The following ARL15 variants were observed in gnomAD, a reference collection of about 807,000 sequenced individuals.
ARL15 encodes the protein ARF like GTPase 15.
A neutral mutation model predicts 25.2 loss-of-function variants in ARL15; 19 were observed. The ratio of observed to expected loss-of-function variants is 0.75; its 90% confidence interval spans 0.53 to 1.10. The LOEUF (loss-of-function observed/expected upper bound fraction) is 1.10. Ranked by LOEUF, ARL15 falls within the 50% of genes least tolerant of loss-of-function variation. The pLI is 0.00. For synonymous variants in ARL15, 94 were observed against 86.8 expected (o/e 1.08, Z -0.46); for missense variants, 220 against 246.0 (o/e 0.89, Z 0.71).
At chr5:53,932,595 G>A (rs1746225933) in intron 4 of ARL15, among the ~76,000 whole-genome samples, 1 of 152,168 alleles carries the variant, frequency 6.6e-6, no homozygotes, top group Admixed American at 6.5e-5. Context: ...AAACATTCTG[G>A]AAGACTCCGT....
chr5:54,049,955 C>A (rs79965574), intron 4 of ARL15, among the ~76,000 whole-genome samples: 1 of 152,074 alleles, frequency 6.6e-6, no homozygotes, highest in Non-Finnish European at 1.5e-5. Context: ...GTTTAAGCCA[C>A]CATTTGTTGG....
intron 1 of ARL15, among the ~76,000 whole-genome samples, chr5:54,191,651 T>C (rs918671431): frequency 3.9e-5 from 6 of 152,094 alleles, no homozygotes; most frequent in Admixed American, 3.3e-4. Flanking sequence ...AAACCACACA[T>C]CCAATCAATC....
At chr5:54,047,465 T>C (rs2111972426) in intron 4 of ARL15, among the ~76,000 whole-genome samples, 1 of 152,268 alleles carries the variant, frequency 6.6e-6, no homozygotes, top group African/African-American at 2.4e-5. Context: ...AAAGTAATTA[T>C]CTTAGCCACA....
rs574629313 is a variant in ARL15 at position 54,052,752 on chromosome 5, CAT to C, written c.462+60448_462+60449del. Among the ~76,000 whole-genome samples, 125 of 152,224 alleles carry C rather than the reference CAT, an allele frequency of 8.2e-4. 1 individual carries two copies. The highest frequency in any genetic ancestry group is 1.4e-3 in the Non-Finnish European group (96 of 68,008). On this transcript the variant is annotated intron_variant, in intron 4 of 4. Coordinates refer to ENST00000504924, the MANE Select transcript of ARL15 (RefSeq NM_019087.3). The stretch of plus-strand genomic sequence containing the variant: ...ACATGGGCCAGCACACACACACACA[CAT>C]GCACACGTGCACACACAGAGTTCGC...
intron 4 of ARL15, among the ~76,000 whole-genome samples, chr5:53,946,455 G>GAAAAAAAAAA (rs55727717): frequency 1.8e-4 from 8 of 43,938 alleles, no homozygotes; most frequent in South Asian, 1.5e-3. Context: ...GTCTCAAGAG[G>GAAAAAAAAAA]AAAAAAAAAA....
intron 3 of ARL15, among the ~76,000 whole-genome samples, chr5:54,136,705 C>A (rs934746684): frequency 6.6e-6 from 1 of 152,186 alleles, no homozygotes; most frequent in Non-Finnish European, 1.5e-5. Flanking sequence ...ACAAAACTCA[C>A]AGCCTGCTCT....
At chr5:53,907,472 ATATATATATATATATATTTT>A in intron 4 of ARL15, among the ~76,000 whole-genome samples, 1 of 21,210 alleles carries the variant, frequency 4.7e-5, no homozygotes, top group African/African-American at 2.5e-4. Context: ...ATATATATAT[ATATATATATATATATATTTT>A]TTTTTTTTTT....
chr5:54,267,836 C>T (rs972878288), intron 1 of ARL15, among the ~76,000 whole-genome samples: 1 of 151,852 alleles, frequency 6.6e-6, no homozygotes, highest in Non-Finnish European at 1.5e-5. Context: ...CCGAGAGATC[C>T]GCTGTTAGTC....
intron 1 of ARL15, among the ~76,000 whole-genome samples, chr5:54,202,752 C>A (rs370170263): frequency 6.6e-6 from 1 of 152,150 alleles, no homozygotes; most frequent in African/African-American, 2.4e-5. Flanking sequence ...ATTTCATATG[C>A]AATTATCCTT....
At chr5:53,906,746 A>G (rs1031794575) in intron 4 of ARL15, among the ~76,000 whole-genome samples, 5 of 152,224 alleles carry the variant, frequency 3.3e-5, no homozygotes, top group African/African-American at 1.2e-4. Context: ...ATTATAAATT[A>G]GACTTACAGT....
intron 4 of ARL15, among the ~76,000 whole-genome samples, chr5:54,063,148 C>T (rs1751119103): frequency 6.6e-6 from 1 of 152,140 alleles, no homozygotes; most frequent in African/African-American, 2.4e-5. Flanking sequence ...CAATGGGTAA[C>T]AGTTGATAAT....
At chr5:54,310,345 A>C (rs752155298) in intron 1 of ARL15, 87 bp downstream of exon 1, 28 of 1,449,978 alleles carry the variant, frequency 1.9e-5, no homozygotes, top group Middle Eastern at 1.8e-4. Context: ...CCAAAGAAAG[A>C]AAGCAAAAAG....
chr5:54,021,017 C>A (rs1393525766), intron 4 of ARL15, among the ~76,000 whole-genome samples: 1 of 151,524 alleles, frequency 6.6e-6, no homozygotes, highest in East Asian at 2.0e-4. Context: ...AATTTTCTGA[C>A]AAGGATTTAA....
chr5:53,988,461 G>A (rs1748372004), intron 4 of ARL15, among the ~76,000 whole-genome samples: 1 of 152,032 alleles, frequency 6.6e-6, no homozygotes, highest in Non-Finnish European at 1.5e-5. Flanking sequence ...AGTTCTTGAC[G>A]CATAACAGCT....
intron 4 of ARL15, among the ~76,000 whole-genome samples, chr5:53,894,728 T>C (rs1215565743): frequency 6.6e-6 from 1 of 152,146 alleles, no homozygotes; most frequent in East Asian, 1.9e-4. Context: ...AGGCCTTTGC[T>C]CCAACTACTG....
intron 1 of ARL15, among the ~76,000 whole-genome samples, chr5:54,183,087 G>A (rs1285180175): frequency 3.1e-5 from 4 of 130,546 alleles, no homozygotes; most frequent in East Asian, 2.1e-4. Flanking sequence ...CAATCCTGTC[G>A]TCTGCAAACA....
chr5:54,114,395 C>T lies in ARL15; in HGVS notation c.254-985G>A, dbSNP rs1171721753. 1.8e-3 allele frequency among the ~76,000 whole-genome samples: 13 copies of T among 7,302 alleles called. No individual in the cohort carries two copies. The East Asian group carries it at 0.2, about 114-fold the overall frequency. 4.8% of individuals were successfully genotyped at this position (7,302 alleles called of 152,430 possible). Reference sequence around the variant, plus strand: ...CTCCAGCCTGGGCAACACAGCAAGGCTCCATCTCAAGAAAAAAAAAAAAAA... The same window carrying T: ...CTCCAGCCTGGGCAACACAGCAAGGTTCCATCTCAAGAAAAAAAAAAAAAA... On this transcript the variant is annotated intron_variant, in intron 3 of 4. Transcript: ENST00000504924.
intron 4 of ARL15, among the ~76,000 whole-genome samples, chr5:53,943,048 T>C (rs1443692938): frequency 2.0e-5 from 3 of 152,124 alleles, no homozygotes; most frequent in Non-Finnish European, 4.4e-5. Flanking sequence ...CTCTAGGAGC[T>C]TCACGATAAG....
intron 2 of ARL15, among the ~76,000 whole-genome samples, chr5:54,159,070 C>T (rs768985536): frequency 1.3e-5 from 2 of 152,142 alleles, no homozygotes; most frequent in Non-Finnish European, 2.9e-5. Flanking sequence ...ATTTACTGTC[C>T]TCCCTGTTTA....
Sources: allele counts gnomAD v4.1 joint callset (sites outside exome capture counted in the v4.1 genomes callset), GRCh38; gene constraint gnomAD v4.1.1; transcripts MANE v1.5; gene names NCBI Gene and HGNC (gene_info 2026-07-23, HGNC 2026-07-21).